The following PRIM2 variants were observed in gnomAD, a reference collection of about 807,000 sequenced individuals.
The protein encoded by PRIM2 is DNA primase large subunit.
In PRIM2, 39 loss-of-function variants were observed where a neutral mutation model predicts 67.3. The ratio of observed to expected loss-of-function variants is 0.58; its 90% CI spans 0.45 to 0.76. The LOEUF is 0.76. Among genes scored for constraint, PRIM2 ranks in the 30% least tolerant of loss-of-function variants. The pLI is 0.00. For synonymous variants in PRIM2, 143 were observed against 198.7 expected (o/e 0.72, Z 2.36); for missense variants, 398 against 598.7 (o/e 0.66, Z 3.50).
intron 10 of PRIM2, among the ~76,000 whole-genome samples, chr6:57,577,927 C>CTGG (rs1775992633): frequency 6.6e-6 from 1 of 152,204 alleles, no homozygotes. Flanking sequence ...AGTTTTCTCA[C>CTGG]TAATGTCCTT....
chr6:57,646,052 C>T lies in PRIM2; in HGVS notation c.1424C>T (p.Pro475Leu), dbSNP rs1463445408. The change falls in exon 14 of 14, where the codon CCA becomes CTA. Residue 475 changes from proline to leucine, a missense_variant. Transcript: ENST00000615550. ...PIQPETPQPK[P>L]SVQKTKDASS... ...CAACCAGAAACTCCTCAACCCAAAC[C>T]AAGTGTCCAGAAAACCAAGGATGCA... 9 of 1,603,160 alleles carry T rather than the reference C, an allele frequency of 5.6e-6. No individual in the cohort carries two copies. Among genetic ancestry groups the T allele is most frequent in the Non-Finnish European group, 7.7e-6 (9 of 1,170,226 alleles).
chr6:57,299,682 T>C, the PRIM2 span, among the ~76,000 whole-genome samples: 7 of 152,306 alleles, frequency 4.6e-5, no homozygotes, highest in East Asian at 3.9e-4. Flanking sequence ...TGAGGAGATA[T>C]AGGAGACAGA....
chr6:57,625,391 A>C (rs1285672630), intron 12 of PRIM2, among the ~76,000 whole-genome samples: 2 of 152,188 alleles, frequency 1.3e-5, no homozygotes, highest in Non-Finnish European at 2.9e-5. Flanking sequence ...AGCCAGTTAA[A>C]CAAGTTATTA....
chr6:57,618,459 ACT>A (rs1450941748), intron 12 of PRIM2, among the ~76,000 whole-genome samples: 2 of 152,114 alleles, frequency 1.3e-5, no homozygotes, highest in Admixed American at 1.3e-4. Context: ...GGACCCTCAG[ACT>A]CTCTGAAGGA....
At chr6:57,621,185 G>A (rs1486482857) in intron 12 of PRIM2, among the ~76,000 whole-genome samples, 2 of 152,226 alleles carry the variant, frequency 1.3e-5, no homozygotes, top group African/African-American at 4.8e-5. Context: ...AGGCTGAGAA[G>A]TCCAAGGTTG....
intron 5 of PRIM2, among the ~76,000 whole-genome samples, chr6:57,365,471 G>GT: frequency 6.6e-6 from 1 of 151,932 alleles, no homozygotes; most frequent in African/African-American, 2.4e-5. Context: ...GAATTAATCT[G>GT]TTTTTTATCT....
intron 13 of PRIM2, among the ~76,000 whole-genome samples, chr6:57,637,785 C>T (rs1777150481): frequency 6.6e-6 from 1 of 152,096 alleles, no homozygotes; most frequent in South Asian, 2.1e-4. Flanking sequence ...TTGATTCTCC[C>T]TGAAAGTGAC....
At chr6:57,224,475 A>G in the PRIM2 span, among the ~76,000 whole-genome samples, 2 of 152,308 alleles carry the variant, frequency 1.3e-5, no homozygotes, top group South Asian at 4.1e-4. Flanking sequence ...TTATGTCTAC[A>G]GTTCTAGCTT....
Position 57,390,452 on chromosome 6 carries a change from T to C in PRIM2, c.693+8284T>C, listed in dbSNP as rs566355098. On this transcript the variant is annotated intron_variant, in intron 7 of 13. Coordinates refer to ENST00000615550, the MANE Select transcript of PRIM2 (RefSeq NM_000947.5). ...GGTTTGTTACATAGGTAAACTCATG[T>C]CATGGGGGCTTGTTGTACAGATTAT... 9.8e-4 allele frequency among the ~76,000 whole-genome samples: 149 copies of C among 152,214 alleles called. 2 individuals carry two copies. Among genetic ancestry groups the C allele is most frequent in the African/African-American group, 3.4e-3 (143 of 41,512 alleles).
At chr6:57,524,751 C>T (rs1488178433) in intron 8 of PRIM2, among the ~76,000 whole-genome samples, 1 of 151,864 alleles carries the variant, frequency 6.6e-6, no homozygotes, top group African/African-American at 2.4e-5. Flanking sequence ...ATCATGAATT[C>T]TCTTATAGCA....
At chr6:57,586,665 T>C (rs1776193779) in intron 10 of PRIM2, among the ~76,000 whole-genome samples, 1 of 152,168 alleles carries the variant, frequency 6.6e-6, no homozygotes. Flanking sequence ...CTCACAGGAA[T>C]CTTGGAAATG....
chr6:57,582,110 C>T (rs1391490727), intron 10 of PRIM2, among the ~76,000 whole-genome samples: 89 of 152,298 alleles, frequency 5.8e-4, no homozygotes, highest in African/African-American at 2.1e-3. Flanking sequence ...GAGGTGGGAG[C>T]GACCATGCCT....
At chr6:57,367,419 C>T (rs1175612064) in intron 5 of PRIM2, among the ~76,000 whole-genome samples, 1 of 152,120 alleles carries the variant, frequency 6.6e-6, no homozygotes, top group Non-Finnish European at 1.5e-5. Flanking sequence ...TTAAAACTAA[C>T]TTATTTTAGG....
intron 7 of PRIM2, among the ~76,000 whole-genome samples, chr6:57,406,922 T>A (rs1374869402): frequency 6.6e-6 from 1 of 151,190 alleles, no homozygotes; most frequent in Admixed American, 6.6e-5. Context: ...TTTGTTGAGT[T>A]GCAAAACAGC....
chr6:57,465,270 C>T (rs1310534492), intron 7 of PRIM2, among the ~76,000 whole-genome samples: 1 of 152,134 alleles, frequency 6.6e-6, no homozygotes, highest in African/African-American at 2.4e-5. Flanking sequence ...TTTCTTGTAG[C>T]TAGGGTATGG....
intron 13 of PRIM2, among the ~76,000 whole-genome samples, chr6:57,633,107 G>A (rs1777062191): frequency 6.6e-6 from 1 of 152,192 alleles, no homozygotes; most frequent in African/African-American, 2.4e-5. Flanking sequence ...GAATTATGGT[G>A]CACTAAACAT....
intron 7 of PRIM2, among the ~76,000 whole-genome samples, chr6:57,472,620 T>C (rs1773364848): frequency 6.6e-6 from 1 of 152,158 alleles, no homozygotes; most frequent in Non-Finnish European, 1.5e-5. Context: ...TATTTTTGTG[T>C]GGGGCAATTT....
chr6:57,279,887 T>C, the PRIM2 span, among the ~76,000 whole-genome samples: 1 of 152,116 alleles, frequency 6.6e-6, no homozygotes, highest in Admixed American at 6.6e-5. Context: ...TCCTAAGGGA[T>C]AGTCCTTAAC....
intron 10 of PRIM2, among the ~76,000 whole-genome samples, chr6:57,558,180 G>A (rs1775553374): frequency 2.6e-5 from 4 of 152,140 alleles, no homozygotes; most frequent in Admixed American, 1.3e-4. Flanking sequence ...TGAAGGTTAC[G>A]TATGATAATA....
Sources: gnomAD v4.1 joint callset for allele counts (sites outside exome capture counted in the v4.1 genomes callset) on GRCh38, gnomAD v4.1.1 for gene constraint, MANE v1.5 for transcripts, NCBI Gene and HGNC (gene_info 2026-07-23, HGNC 2026-07-21) for gene names.